UGGT1: variants seen among roughly 807,000 people sequenced by gnomAD.
UGGT1 encodes the protein UDP-glucose:glycoprotein glucosyltransferase 1.
In UGGT1, 107 loss-of-function variants were observed where a neutral mutation model predicts 203.9. The ratio of observed to expected loss-of-function variants is 0.52; its 90% CI spans 0.45 to 0.62. UGGT1 has a LOEUF of 0.62. Ranked by LOEUF, UGGT1 falls within the 20% of genes least tolerant of loss-of-function variation. The probability of loss-of-function intolerance (pLI) is 0.00; values close to 1 mark genes in which losing one functional copy is unlikely to be tolerated. For synonymous variants in UGGT1, 628 were observed against 653.5 expected, an observed-to-expected ratio of 0.96 and a Z score of 0.59; for missense variants, 1,673 against 1,867.2, an observed-to-expected ratio of 0.90 and a Z score of 1.92.
At chr2:128,172,233 C>T (rs953675482) in intron 28 of UGGT1, among the ~76,000 whole-genome samples, 3 of 152,146 alleles carry the variant, frequency 2.0e-5, no homozygotes, top group South Asian at 2.1e-4. Flanking sequence ...GAGTGGCCTC[C>T]GTTCAAGTGA....
intron 28 of UGGT1, among the ~76,000 whole-genome samples, chr2:128,172,133 GA>G (rs892422919): frequency 2.0e-5 from 3 of 152,172 alleles, no homozygotes; most frequent in African/African-American, 7.2e-5. Context: ...CAGTATTTAG[GA>G]ATTGGTTTTA....
intron 18 of UGGT1, among the ~76,000 whole-genome samples, chr2:128,150,827 A>G (rs1689925620): frequency 6.6e-6 from 1 of 152,050 alleles, no homozygotes; most frequent in Admixed American, 6.6e-5. Flanking sequence ...GGCACAAGGC[A>G]CAGCTTACTT....
At position 128,140,767 on chromosome 2, in the gene UGGT1, C is replaced by T. The variant is rs532823957; in HGVS notation, c.1719+1915C>T. Reference sequence around the variant, plus strand: ...TCAGGGTTTACTACAGCCTTGAACTCCTGGCCCTAAGTGATCCTCCTGCCT... The same window carrying T: ...TCAGGGTTTACTACAGCCTTGAACTTCTGGCCCTAAGTGATCCTCCTGCCT... On this transcript the variant is annotated intron_variant, in intron 16 of 40. Coordinates refer to ENST00000259253, the MANE Select transcript of UGGT1 (RefSeq NM_020120.4). Among the ~76,000 whole-genome samples, 10 of 152,270 alleles carry T rather than the reference C, an allele frequency of 6.6e-5. No individual in the cohort carries two copies. In the South Asian group the frequency reaches 2.1e-3, roughly 32 times the overall value.
chr2:128,133,339 C>T (rs1467216181), intron 14 of UGGT1, 79 bp downstream of exon 14: 4 of 1,544,402 alleles, frequency 2.6e-6, no homozygotes, highest in Non-Finnish European at 3.5e-6. Context: ...GTAGAATGGT[C>T]ACTTCTCACC....
At chr2:128,162,860 T>G (rs1558808540) in intron 25 of UGGT1, among the ~76,000 whole-genome samples, 1 of 152,186 alleles carries the variant, frequency 6.6e-6, no homozygotes, top group Non-Finnish European at 1.5e-5. Flanking sequence ...TCTCGATCTT[T>G]CCTGGGTGAA....
At chr2:128,182,318 G>C in intron 37 of UGGT1, 28 bp downstream of exon 37, 5 of 1,572,004 alleles carry the variant, frequency 3.2e-6, no homozygotes, top group Non-Finnish European at 3.4e-6. Context: ...TCCTAACACT[G>C]TTACGGGGTT....
intron 38 of UGGT1, 148 bp downstream of exon 38, chr2:128,183,937 T>TGTGTGTGA (rs151153786): frequency 8.5e-4 from 280 of 328,270 alleles, no homozygotes; most frequent in East Asian, 1.7e-3. Context: ...TGTGTGTGTG[T>TGTGTGTGA]GAGAGAGAGA....
At chr2:128,111,195 G>A (rs901246836) in intron 5 of UGGT1, among the ~76,000 whole-genome samples, 1 of 152,124 alleles carries the variant, frequency 6.6e-6, no homozygotes, top group Non-Finnish European at 1.5e-5. Flanking sequence ...TCTCCAAAAA[G>A]TAGCTGGGTG....
chr2:128,178,779 A>G (rs1435992959), intron 34 of UGGT1, among the ~76,000 whole-genome samples: 2 of 152,188 alleles, frequency 1.3e-5, no homozygotes, highest in Non-Finnish European at 2.9e-5. Flanking sequence ...GCTTCTGGAT[A>G]TTACAAGGCT....
At chr2:128,183,937 T>TGTGTGTGTGTGTGTGAGA (rs151153786) in intron 38 of UGGT1, 148 bp downstream of exon 38, 69 of 328,574 alleles carry the variant, frequency 2.1e-4, no homozygotes, top group African/African-American at 6.0e-4. Flanking sequence ...TGTGTGTGTG[T>TGTGTGTGTGTGTGTGAGA]GAGAGAGAGA....
At chr2:128,167,486 A>T (rs1690854418) in intron 26 of UGGT1, among the ~76,000 whole-genome samples, 1 of 152,168 alleles carries the variant, frequency 6.6e-6, no homozygotes, top group South Asian at 2.1e-4. Context: ...CAGCAGCAAG[A>T]CATTGTCTGG....
chr2:128,126,065 C>T (rs1340876817), intron 11 of UGGT1, among the ~76,000 whole-genome samples: 8 of 151,692 alleles, frequency 5.3e-5, no homozygotes, highest in Admixed American at 4.6e-4. Flanking sequence ...CCTCAGCCTC[C>T]CGAGTAGCTG....
Position 128,113,146 on chromosome 2 carries a change from T to G in UGGT1, c.584T>G (p.Val195Gly). Residue 195 changes from valine (V) to glycine (G), a missense_variant, in exon 6 of 41, where the codon GTG (valine) becomes GGG (glycine). By Grantham distance (109) the Val-to-Gly change is moderately radical (BLOSUM62 -3). Around this residue, in one of 4 missense-constraint regions of UGGT1, gnomAD observed 1,073 missense variants for 1,078.7 expected, o/e 0.99. Coordinates refer to ENST00000259253, the MANE Select transcript of UGGT1 (RefSeq NM_020120.4). The part of the protein sequence containing the change: ...RYPSSNPESP[V>G]VIFYSEIGSE... Reference sequence around the variant, plus strand: ...CCCTCGTCTAATCCTGAAAGCCCTGTGGTGATTTTCTACTCTGAGATTGGC... The same window carrying G: ...CCCTCGTCTAATCCTGAAAGCCCTGGGGTGATTTTCTACTCTGAGATTGGC... The G allele has an allele frequency of 6.2e-7, 1 of 1,613,040 alleles. No individual in the cohort carries two copies. Among genetic ancestry groups the G allele is most frequent in the Non-Finnish European group, 8.5e-7 (1 of 1,179,438 alleles).
chr2:128,174,094 A>G (rs1270934172), intron 30 of UGGT1, among the ~76,000 whole-genome samples, 155 bp downstream of exon 30: 4 of 152,182 alleles, frequency 2.6e-5, no homozygotes, highest in Non-Finnish European at 5.9e-5. Flanking sequence ...GTTCAGCTAA[A>G]TTTGTAGGTT....
Position 128,152,875 on chromosome 2 carries a change from A to C in UGGT1, c.2108A>C (p.Glu703Ala). 2 of 1,614,072 alleles carry C rather than the reference A, an allele frequency of 1.2e-6. No individual in the cohort carries two copies. The highest frequency in any genetic ancestry group is 1.7e-6 in the Non-Finnish European group (2 of 1,180,004). Residue 703 changes from glutamate to alanine, a missense_variant, in exon 19 of 41, where the codon GAA (glutamate) becomes GCA (alanine). Transcript: ENST00000259253. ...PRINSRILTA[E>A]RDYLDLTASN... ...ATCAATTCTAGGATTTTGACAGCTG[A>C]ACGAGACTACCTGGATTTAACAGCG...
At chr2:128,115,276 G>A in intron 7 of UGGT1, 56 bp downstream of exon 7, 1 of 1,471,312 alleles carries the variant, frequency 6.8e-7, no homozygotes, top group Non-Finnish European at 9.5e-7. Context: ...TTAAAGGGGA[G>A]TTTGTTTCCA....
Position 128,133,014 on chromosome 2 carries a change from T to C in UGGT1, c.1378-127T>C. 4.0e-6 allele frequency: 5 copies of C among 1,241,068 alleles called. No homozygotes were observed. The South Asian group carries it at 7.2e-5, about 18-fold the overall frequency. The allele number at this position is 1,241,068 out of a possible 1,614,324, so 76.9% of individuals were successfully genotyped here. A position where few individuals can be genotyped will look rare whatever the true frequency, so the allele number is the denominator to read the frequency against. ...GAGCCACTCACTGCAGCCAATCTTT[T>C]TATCTTTGAAAATGGTCTTGTCTCA... On this transcript the variant is annotated intron_variant, in intron 13 of 40. Coordinates refer to ENST00000259253, the MANE Select transcript of UGGT1 (RefSeq NM_020120.4).
At chr2:128,178,006 C>A in intron 33 of UGGT1, 86 bp downstream of exon 33, 1 of 1,144,084 alleles carries the variant, frequency 8.7e-7, no homozygotes, top group Non-Finnish European at 1.2e-6. Flanking sequence ...TCTTGTGATT[C>A]TGTCTGGGCC....
chr2:128,150,947 T>C (rs978025334), intron 18 of UGGT1, among the ~76,000 whole-genome samples: 5 of 152,072 alleles, frequency 3.3e-5, no homozygotes, highest in Non-Finnish European at 7.4e-5. Flanking sequence ...GCATCCCAGA[T>C]TCAGGTGATT....
Sources: allele counts gnomAD v4.1 joint callset (sites outside exome capture counted in the v4.1 genomes callset), GRCh38; gene constraint gnomAD v4.1.1; regional missense constraint gnomAD v4.1.1; transcripts MANE v1.5; gene names NCBI Gene and HGNC (gene_info 2026-07-23, HGNC 2026-07-21).